Variants in RBM33 observed in about 807,000 individuals in gnomAD.
RBM33 encodes RNA binding motif protein 33, also known as RNA-binding protein 33.
RBM33 carries 28 observed loss-of-function variants against 132.6 expected under a neutral mutation model. The ratio of observed to expected loss-of-function variants is 0.21; its 90% confidence interval spans 0.16 to 0.29. The LOEUF (loss-of-function observed/expected upper bound fraction) is 0.29. Among genes scored for constraint, RBM33 ranks in the 10% least tolerant of loss-of-function variants. RBM33 has a pLI of 1.00. For missense variants in RBM33, 1,291 were observed against 1,518.5 expected (o/e 0.85, Z 2.49); for synonymous variants, 634 against 593.0 (o/e 1.07, Z -1.01).
intron 14 of RBM33, among the ~76,000 whole-genome samples, chr7:155,760,152 A>G (rs112207308): frequency 9.9e-5 from 15 of 152,210 alleles, no homozygotes; most frequent in African/African-American, 3.6e-4. Flanking sequence ...TTCTGTGTGC[A>G]TGAGACATTT....
rs778568123 is a variant in RBM33 at position 155,774,317 on chromosome 7, C to A, written c.3376-242C>A. Among the ~76,000 whole-genome samples, 1 of 152,174 alleles carries A rather than the reference C, an allele frequency of 6.6e-6. No homozygotes were observed. The highest frequency in any genetic ancestry group is 1.5e-5 in the Non-Finnish European group (1 of 68,040). On this transcript the variant is annotated intron_variant, in intron 16 of 17. Coordinates refer to ENST00000401878, the MANE Select transcript of RBM33 (RefSeq NM_053043.3). The surrounding 1 kb of genome is among the most constrained non-coding windows in gnomAD (Gnocchi z 4.2). ...GGGGCCAGATGATGGGAGGCCTTAA[C>A]ACTAGGCTTGGAAGATGTAACTGTT...
chr7:155,746,383 A>G (rs1563173716), intron 14 of RBM33: 1 of 151,628 alleles, frequency 6.6e-6, no homozygotes, highest in African/African-American at 2.4e-5. Flanking sequence ...AAAAAAAAAA[A>G]GCGTCATAGA....
At chr7:155,711,069 A>G (rs1173206494) in intron 7 of RBM33, 134 bp from the exon 8 acceptor site, 2 of 1,303,950 alleles carry the variant, frequency 1.5e-6, no homozygotes, top group Non-Finnish European at 2.0e-6. Flanking sequence ...CAGACTTCTT[A>G]CATTGTAACT....
At chr7:155,737,105 A>G (rs1033875784) in intron 9 of RBM33, among the ~76,000 whole-genome samples, 1 of 152,208 alleles carries the variant, frequency 6.6e-6, no homozygotes, top group Non-Finnish European at 1.5e-5. Context: ...GGATATGTTT[A>G]CATCCACAGA....
intron 1 of RBM33, among the ~76,000 whole-genome samples, chr7:155,648,768 A>C (rs1203314409): frequency 2.0e-5 from 3 of 152,178 alleles, no homozygotes; most frequent in Non-Finnish European, 4.4e-5. Flanking sequence ...TACTAATGAC[A>C]AAGTCCCTTA....
chr7:155,752,291 C>T (rs1489216217), intron 14 of RBM33, among the ~76,000 whole-genome samples: 3 of 152,108 alleles, frequency 2.0e-5, no homozygotes, highest in Non-Finnish European at 2.9e-5. Flanking sequence ...CTTCTGGGCC[C>T]GCTCAGCACA....
Position 155,644,946 on chromosome 7 carries a change from G to A in RBM33, c.43+27G>A, listed in dbSNP as rs752396618. On this transcript the variant is annotated intron_variant, in intron 1 of 17. Coordinates refer to ENST00000401878, the MANE Select transcript of RBM33 (RefSeq NM_053043.3). ...TACGTGAGGCAGCCGGACTCTGGGG[G>A]CCAGGACCGCGCCGCGGTGGGCGGG... 139 of 1,476,176 alleles carry A rather than the reference G, an allele frequency of 9.4e-5. 1 individual carries two copies. The highest frequency in any genetic ancestry group is 9.7e-5 in the Non-Finnish European group (108 of 1,115,948). 91.4% of individuals were successfully genotyped at this position (1,476,176 alleles called of 1,614,324 possible). A position where few individuals can be genotyped will look rare whatever the true frequency, so the allele number is the denominator to read the frequency against.
chr7:155,745,110 G>A lies in RBM33; in HGVS notation c.2487G>A (p.Gln829=), dbSNP rs753919035. 2.5e-6 allele frequency: 4 copies of A among 1,598,384 alleles called. No homozygotes were observed. Among genetic ancestry groups the A allele is most frequent in the Non-Finnish European group, 3.4e-6 (4 of 1,172,170 alleles). The part of the protein sequence containing the change: ...RKKELLERLA[Q]QQQQLYAPPP... ...AGGAGCTGCTGGAGAGACTCGCGCA[G>A]CAACAGCAGCAGCTGTACGCTCCCC... Residue 829 remains glutamine, a synonymous_variant, in exon 14 of 18, where the codon CAG becomes CAA. Coordinates refer to ENST00000401878, the MANE Select transcript of RBM33 (RefSeq NM_053043.3). The surrounding 1 kb of genome is among the most constrained non-coding windows in gnomAD (Gnocchi z 4.1).
At chr7:155,727,145 A>G (rs1044464639) in intron 9 of RBM33, among the ~76,000 whole-genome samples, 1 of 152,228 alleles carries the variant, frequency 6.6e-6, no homozygotes, top group African/African-American at 2.4e-5. Flanking sequence ...CAGCTCTGAT[A>G]GGGACTCCTA....
Position 155,745,130 on chromosome 7 carries a change from C to T in RBM33, c.2507C>T (p.Ala836Val), listed in dbSNP as rs147218064. 331 of 1,601,392 alleles carry T rather than the reference C, an allele frequency of 2.1e-4. No individual in the cohort carries two copies. The African/African-American group carries it at 4.0e-3, about 19-fold the overall frequency. The change falls in exon 14 of 18, where the codon GCT becomes GTT. Residue 836 changes from alanine to valine, a missense_variant. This residue lies in a region of RBM33 where 841 missense variants were observed against 912.0 expected (regional missense o/e 0.92). Coordinates refer to ENST00000401878, the MANE Select transcript of RBM33 (RefSeq NM_053043.3). The surrounding 1 kb of genome is among the most constrained non-coding windows in gnomAD (Gnocchi z 4.1). ...RLAQQQQQLY[A>V]PPPPAEQEEQ... ...GCGCAGCAACAGCAGCAGCTGTACG[C>T]TCCCCCACCCCCAGCAGAGCAGGAA...
At chr7:155,679,389 A>G (rs761475057) in intron 4 of RBM33, among the ~76,000 whole-genome samples, 1 of 151,988 alleles carries the variant, frequency 6.6e-6, no homozygotes, top group Non-Finnish European at 1.5e-5. Context: ...GATTTAGATC[A>G]TTTACTGAAT....
rs538110956 is a variant in RBM33, at chr7:155,667,974, A to G, written c.122+2721A>G. Among the ~76,000 whole-genome samples the G allele has an allele frequency of 1.7e-3, 266 of 152,284 alleles. 1 individual carries two copies. The highest frequency in any genetic ancestry group is 0.01 in the Middle Eastern group (3 of 294). ...TCCATACTCTCTGCAGCCCCCTCAA[A>G]TCACAAAATTTTTGAAAAAATTTCA... is the stretch of plus-strand genomic sequence containing the variant. On this transcript the variant is annotated intron_variant, in intron 2 of 17. Coordinates refer to ENST00000401878, the MANE Select transcript of RBM33 (RefSeq NM_053043.3).
At chr7:155,695,965 G>A (rs750789408) in intron 5 of RBM33, among the ~76,000 whole-genome samples, 5 of 152,160 alleles carry the variant, frequency 3.3e-5, no homozygotes, top group Admixed American at 1.3e-4. Context: ...ATGAGATTCC[G>A]TTTTTTCCAT....
chr7:155,692,761 A>G (rs1287645694), intron 5 of RBM33, among the ~76,000 whole-genome samples: 1 of 152,220 alleles, frequency 6.6e-6, no homozygotes, highest in African/African-American at 2.4e-5. Flanking sequence ...ACTGTTCTTG[A>G]CAGTATTAAA....
intron 6 of RBM33, 174 bp from the exon 7 acceptor site, chr7:155,706,686 G>C (rs188480012): frequency 6.6e-5 from 39 of 588,970 alleles, no homozygotes; most frequent in African/African-American, 6.3e-4. Context: ...TCACTAGTGG[G>C]TTGTGTGTGT....
intron 14 of RBM33, among the ~76,000 whole-genome samples, chr7:155,752,159 T>G (rs1801705507): frequency 6.6e-6 from 1 of 152,240 alleles, no homozygotes; most frequent in African/African-American, 2.4e-5. Flanking sequence ...CAAGAAGATG[T>G]TCGAGCTCAC....
At chr7:155,762,109 G>A (rs958052604) in intron 14 of RBM33, among the ~76,000 whole-genome samples, 1 of 152,244 alleles carries the variant, frequency 6.6e-6, no homozygotes, top group Non-Finnish European at 1.5e-5. Context: ...GCCCCCCATG[G>A]CCAGTTATCT....
intron 14 of RBM33, among the ~76,000 whole-genome samples, chr7:155,760,099 C>T (rs1801986331): frequency 6.6e-6 from 1 of 152,198 alleles, no homozygotes; most frequent in African/African-American, 2.4e-5. Flanking sequence ...TTAAAAAGTA[C>T]AGGCAACTAT....
intron 9 of RBM33, among the ~76,000 whole-genome samples, chr7:155,722,674 T>C (rs1333860920): frequency 2.0e-5 from 3 of 152,242 alleles, no homozygotes; most frequent in Non-Finnish European, 2.9e-5. Context: ...AAATGTCAAC[T>C]GTTGGAATAT....
Sources: allele counts gnomAD v4.1 joint callset (sites outside exome capture counted in the v4.1 genomes callset), GRCh38; gene constraint gnomAD v4.1.1; regional missense constraint gnomAD v4.1.1; non-coding constraint Gnocchi (gnomAD v3.1); transcripts MANE v1.5; gene names NCBI Gene and HGNC (gene_info 2026-07-23, HGNC 2026-07-21).